The following ANAPC11 variants were observed in gnomAD, a reference collection of about 807,000 sequenced individuals.
The protein encoded by ANAPC11 is anaphase-promoting complex subunit 11.
ANAPC11 carries 5 observed loss-of-function variants against 11.8 expected under a neutral mutation model. The observed-to-expected ratio is 0.42, with a 90% CI of 0.22 to 0.89. ANAPC11 has a LOEUF of 0.89. ANAPC11 is among the 40% of genes least tolerant of loss of function. The probability of loss-of-function intolerance (pLI) is 0.28; values close to 1 mark genes in which losing one functional copy is unlikely to be tolerated. For synonymous variants in ANAPC11, 45 were observed against 41.0 expected (o/e 1.10, Z -0.38); for missense variants, 68 against 112.9 (o/e 0.60, Z 1.80).
intron 1 of ANAPC11, among the ~76,000 whole-genome samples, chr17:81,892,324 C>T (rs1026922574): frequency 6.6e-6 from 1 of 151,546 alleles, no homozygotes; most frequent in African/African-American, 2.4e-5. Flanking sequence ...AAAAAATGAG[C>T]TGGGCATGGT....
At chr17:81,891,339 G>C, upstream of ANAPC11, 6 of 1,163,570 alleles carry the variant, frequency 5.2e-6, no homozygotes, top group Non-Finnish European at 6.4e-6. Flanking sequence ...GTAGGGCGCC[G>C]GTCGGTTCCT....
chr17:81,895,837 T>C (rs1440245150), intron 3 of ANAPC11, among the ~76,000 whole-genome samples: 1 of 152,118 alleles, frequency 6.6e-6, no homozygotes, highest in Non-Finnish European at 1.5e-5. Context: ...GTGTGTGGCG[T>C]GTGCCTGTAA....
At chr17:81,894,703 C>G (rs2039673506) in intron 3 of ANAPC11, 117 bp downstream of exon 3, 2 of 485,392 alleles carry the variant, frequency 4.1e-6, no homozygotes, top group Non-Finnish European at 7.0e-6. Context: ...ACGAAATACC[C>G]AGTTTCATTT....
At chr17:81,892,889 C>T (rs1337197144) in intron 1 of ANAPC11, among the ~76,000 whole-genome samples, 3 of 151,680 alleles carry the variant, frequency 2.0e-5, no homozygotes, top group African/African-American at 4.9e-5. Context: ...TCAGGGTCTC[C>T]CTCCGTCACC....
intron 3 of ANAPC11, among the ~76,000 whole-genome samples, chr17:81,895,585 C>T (rs1223985138): frequency 1.3e-5 from 2 of 152,002 alleles, no homozygotes; most frequent in Non-Finnish European, 2.9e-5. Context: ...CCGAGGCGGG[C>T]GGATCACAAG....
downstream of ANAPC11, chr17:81,900,274 C>G: frequency 1.4e-6 from 1 of 705,874 alleles, no homozygotes; most frequent in Non-Finnish European, 2.3e-6. Context: ...CTCTGGGTGC[C>G]TGTGTTCTCG....
At chr17:81,897,801 TA>T (rs2143566744) in intron 3 of ANAPC11, among the ~76,000 whole-genome samples, 1 of 152,298 alleles carries the variant, frequency 6.6e-6, no homozygotes, top group African/African-American at 2.4e-5. Context: ...CATAAATTTT[TA>T]ATTTTTTTTG....
In ANAPC11 at chr17:81,894,658, T is replaced by C. The variant is rs1218711188; in HGVS notation, c.109+72T>C. The C allele has an allele frequency of 3.2e-6, 3 of 925,948 alleles. No homozygotes were observed. The African/African-American group carries it at 5.1e-5, about 16-fold the overall frequency. The allele number at this position is 925,948 out of a possible 1,614,324, so 57.4% of individuals were successfully genotyped here. A position where few individuals can be genotyped will look rare whatever the true frequency, so the allele number is the denominator to read the frequency against. On this transcript the variant is annotated intron_variant, in intron 3 of 3. Coordinates refer to ENST00000344877, the MANE Select transcript of ANAPC11 (RefSeq NM_001002248.3). ...CCCCTCTGTGCTGTCTGCTGCCTGC[T>C]GGACTAGCCTCAGTAGCTCCTGTTA...
At chr17:81,894,417 C>A (rs368131444) in intron 2 of ANAPC11, 50 bp from the exon 3 acceptor site, 9 of 1,153,970 alleles carry the variant, frequency 7.8e-6, no homozygotes, top group Non-Finnish European at 7.7e-6. Context: ...CCTAAACGTT[C>A]TAGCTCTGCA....
upstream of ANAPC11, chr17:81,891,584 C>A: frequency 7.0e-7 from 1 of 1,424,120 alleles, no homozygotes; most frequent in Non-Finnish European, 9.2e-7. Context: ...CGGGCATCGG[C>A]TCGAGCCCGC....
chr17:81,899,755 G>A (rs1057374582), intron 3 of ANAPC11, 165 bp from the exon 4 acceptor site: 1 of 962,552 alleles, frequency 1.0e-6, no homozygotes, highest in Non-Finnish European at 1.5e-6. Flanking sequence ...GGGCTGGTCA[G>A]GAGACCGATT....
At position 81,900,074 on chromosome 17, in the gene ANAPC11, C is replaced by T; in HGVS notation, c.*9C>T. The T allele has an allele frequency of 6.2e-7, 1 of 1,612,118 alleles. No homozygotes were observed. Among genetic ancestry groups the T allele is most frequent in the Middle Eastern group, 1.6e-4 (1 of 6,062 alleles). ...GGAAGTTCAAGGAGTGAGGCCCGACCTGGCTCTCGCTGGAGGGGCATCCTG... is the reference window on the plus strand; with the variant it reads ...GGAAGTTCAAGGAGTGAGGCCCGACTTGGCTCTCGCTGGAGGGGCATCCTG... On this transcript the variant is annotated 3_prime_UTR_variant, in exon 4 of 4. Transcript: ENST00000344877.
intron 3 of ANAPC11, among the ~76,000 whole-genome samples, chr17:81,895,350 C>A (rs1336334200): frequency 2.0e-5 from 3 of 152,156 alleles, no homozygotes; most frequent in Non-Finnish European, 4.4e-5. Context: ...CGTGCCCCCC[C>A]CAACATTTTC....
At chr17:81,892,450 C>G (rs1481101556) in intron 1 of ANAPC11, among the ~76,000 whole-genome samples, 1 of 151,346 alleles carries the variant, frequency 6.6e-6, no homozygotes, top group Non-Finnish European at 1.5e-5. Flanking sequence ...GCCTGGGCGA[C>G]AGAGCCAGAC....
chr17:81,894,176 C>T (rs2039651455), intron 2 of ANAPC11: 3 of 202,182 alleles, frequency 1.5e-5, no homozygotes, highest in South Asian at 1.9e-4. Context: ...CTCAGGAGGC[C>T]GAAGCACAAG....
rs2039542735 is a variant in ANAPC11, at chr17:81,891,839, G to C, written c.-77G>C. 9.3e-6 allele frequency: 2 copies of C among 214,816 alleles called. No individual in the cohort carries two copies. The highest frequency in any genetic ancestry group is 1.3e-4 in the South Asian group (2 of 15,562). 13.3% of individuals were successfully genotyped at this position (214,816 alleles called of 1,614,324 possible). ...CGCTGCCAACGGAAGGGCGGGTAGGGCGGTGCGTGATTAGGTTGGCGAAGG... is the reference window on the plus strand; with the variant it reads ...CGCTGCCAACGGAAGGGCGGGTAGGCCGGTGCGTGATTAGGTTGGCGAAGG... On this transcript the variant is annotated splice_region_variant and 5_prime_UTR_variant, in exon 1 of 4. Transcript: ENST00000344877.
At chr17:81,890,828 A>T, upstream of ANAPC11, 1 of 1,613,974 alleles carries the variant, frequency 6.2e-7, no homozygotes, top group African/African-American at 1.3e-5. Context: ...TGGCTGAAAA[A>T]AAAACCGCAA....
upstream of ANAPC11, chr17:81,891,006 A>C (rs908556039): frequency 6.8e-6 from 6 of 882,072 alleles, no homozygotes; most frequent in East Asian, 2.7e-5. Context: ...CCGCGGCCGC[A>C]CAACTTCAGT....
chr17:81,891,358 C>T, upstream of ANAPC11: 9 of 1,153,236 alleles, frequency 7.8e-6, no homozygotes, highest in East Asian at 4.8e-5. Context: ...CTGCCGCCTC[C>T]GCCGGCCGCG....
Sources: gnomAD v4.1 joint callset for allele counts (sites outside exome capture counted in the v4.1 genomes callset) on GRCh38, gnomAD v4.1.1 for gene constraint, MANE v1.5 for transcripts, NCBI Gene and HGNC (gene_info 2026-07-23, HGNC 2026-07-21) for gene names.